Variants in TFEC observed in about 807,000 individuals in gnomAD.
The protein encoded by TFEC is class E basic helix-loop-helix protein 34.
A neutral mutation model predicts 41.6 loss-of-function variants in TFEC; 31 were observed. That is an observed-to-expected ratio of 0.74 (90% CI 0.56 to 1.01). The LOEUF (loss-of-function observed/expected upper bound fraction) is 1.01. Ranked by LOEUF, TFEC falls within the 50% of genes least tolerant of loss-of-function variation. The pLI, the probability that TFEC is intolerant of heterozygous loss-of-function variation, is 0.00. For synonymous variants in TFEC, 143 were observed against 140.6 expected (o/e 1.02, Z -0.12); for missense variants, 402 against 404.1 (o/e 0.99, Z 0.04).
At chr7:116,154,284 C>CT (rs1798823898) in intron 1 of TFEC, among the ~76,000 whole-genome samples, 1 of 152,120 alleles carries the variant, frequency 6.6e-6, no homozygotes, top group African/African-American at 2.4e-5. Flanking sequence ...CTCTGAAACT[C>CT]TGTCGATTTC....
chr7:115,976,526 A>G (rs1793387258), intron 2 of TFEC, among the ~76,000 whole-genome samples: 1 of 152,190 alleles, frequency 6.6e-6, no homozygotes, highest in Non-Finnish European at 1.5e-5. Flanking sequence ...AGCTCTAGCC[A>G]TGGTCAGATG....
Position 115,937,733 on chromosome 7 carries a change from C to T in TFEC, c.*2818G>A, listed in dbSNP as rs1432065488. 6.6e-6 allele frequency: 1 copy of T among 151,536 alleles called. No homozygotes were observed. Among genetic ancestry groups the T allele is most frequent in the East Asian group, 1.9e-4 (1 of 5,172 alleles). 9.4% of individuals were successfully genotyped at this position (151,536 alleles called of 1,614,324 possible). On this transcript the variant is annotated 3_prime_UTR_variant, in exon 8 of 8. Transcript: ENST00000265440. ...TAATTATATTTAGATAAGTAAGGGT[C>T]CCCCCATTGTTATACATGACATTAA...
chr7:115,993,369 G>A (rs1023428063), intron 1 of TFEC, among the ~76,000 whole-genome samples: 3 of 152,076 alleles, frequency 2.0e-5, no homozygotes, highest in African/African-American at 7.2e-5. Flanking sequence ...CAAACAGGCA[G>A]GAGAAAGAAA....
At chr7:116,123,260 G>A (rs182532275) in intron 1 of TFEC, among the ~76,000 whole-genome samples, 4 of 152,200 alleles carry the variant, frequency 2.6e-5, no homozygotes, top group African/African-American at 4.8e-5. Context: ...TTGCAAGAAC[G>A]TAAGGTAACA....
intron 7 of TFEC, chr7:115,941,438 GA>G (rs1211472412): frequency 6.0e-6 from 1 of 166,588 alleles, no homozygotes; most frequent in East Asian, 1.7e-4. Context: ...TTGAGGCAAT[GA>G]AATCCATAGC....
chr7:115,960,123 A>G (rs1792459608), intron 3 of TFEC, among the ~76,000 whole-genome samples: 1 of 151,554 alleles, frequency 6.6e-6, no homozygotes, highest in Non-Finnish European at 1.5e-5. Flanking sequence ...AATATACAAT[A>G]ATAAAGAGAA....
At chr7:116,056,602 T>C (rs893951547) in intron 3 of TFEC, among the ~76,000 whole-genome samples, 4 of 152,062 alleles carry the variant, frequency 2.6e-5, no homozygotes, top group Non-Finnish European at 4.4e-5. Context: ...AGATCTCGCC[T>C]CAATCATGAG....
Position 116,115,308 on chromosome 7 carries a change from T to C in TFEC, c.-68-3270A>G, listed in dbSNP as rs571784765. On this transcript the variant is annotated intron_variant, in intron 1 of 8. Transcript: ENST00000484212. ...AAAAACTTCGTGGCTTCAAACAACA[T>C]ACATTTTTTGCTCTTATACTTCTGT... is the stretch of plus-strand genomic sequence containing the variant. Among the ~76,000 whole-genome samples, 80 of 152,132 alleles carry C rather than the reference T, an allele frequency of 5.3e-4. 1 individual carries two copies. The highest frequency in any genetic ancestry group is 1.9e-3 in the African/African-American group (77 of 41,536).
rs1382551384 is a variant in TFEC, at chr7:115,949,834, A to G, written c.515+1040T>C. On this transcript the variant is annotated intron_variant, in intron 6 of 7. Transcript: ENST00000265440. ...AACACCAAAAGCAATGGCAACCAAAACCAAAATTGACAAATGGGATCTAAT... is the reference window on the plus strand; with the variant it reads ...AACACCAAAAGCAATGGCAACCAAAGCCAAAATTGACAAATGGGATCTAAT... 9.9e-5 allele frequency among the ~76,000 whole-genome samples: 15 copies of G among 152,058 alleles called. 1 individual carries two copies.
upstream of TFEC, among the ~76,000 whole-genome samples, chr7:116,033,133 C>CA (rs58740686): frequency 9.4e-4 from 139 of 147,846 alleles, no homozygotes; most frequent in African/African-American, 1.7e-3. Context: ...CATGATTCAT[C>CA]AAAAAAAAAA....
chr7:116,081,460 A>G (rs1194687413), intron 3 of TFEC, among the ~76,000 whole-genome samples: 1 of 151,986 alleles, frequency 6.6e-6, no homozygotes, highest in Admixed American at 6.6e-5. Context: ...TATCTCAGCA[A>G]TCTCCTTTAA....
At chr7:116,127,165 G>A (rs1050640016) in intron 1 of TFEC, among the ~76,000 whole-genome samples, 6 of 151,452 alleles carry the variant, frequency 4.0e-5, no homozygotes, top group Admixed American at 6.6e-5. Flanking sequence ...GCGCGATCTC[G>A]GTTCACTGCA....
chr7:116,090,965 G>A (rs1375976797), intron 3 of TFEC, among the ~76,000 whole-genome samples: 2 of 151,998 alleles, frequency 1.3e-5, no homozygotes, highest in East Asian at 1.9e-4. Flanking sequence ...AGGGCCTGTC[G>A]GGGGTGGGGG....
chr7:115,997,472 C>A (rs1250089830), intron 1 of TFEC, among the ~76,000 whole-genome samples: 1 of 152,130 alleles, frequency 6.6e-6, no homozygotes, highest in Admixed American at 6.5e-5. Flanking sequence ...AATGCCTTCC[C>A]AAGACGGATG....
At chr7:115,978,842 G>A (rs1357280443) in intron 2 of TFEC, among the ~76,000 whole-genome samples, 1 of 151,978 alleles carries the variant, frequency 6.6e-6, no homozygotes, top group Non-Finnish European at 1.5e-5. Flanking sequence ...TACTTTTATG[G>A]GCTTTCTCTT....
At position 116,030,713 on chromosome 7, in the gene TFEC, C is replaced by T; in HGVS notation, c.-153G>A. The T allele has an allele frequency of 4.1e-6, 4 of 985,324 alleles. No homozygotes were observed. Among genetic ancestry groups the T allele is most frequent in the Non-Finnish European group, 4.8e-6 (4 of 829,916 alleles). The allele number at this position is 985,324 out of a possible 1,614,324, so 61.0% of individuals were successfully genotyped here. ...AATCCCTCTTCCCATAACATATGCA[C>T]CATGCCAGAAGGGACAACCAAAGTA... On this transcript the variant is annotated 5_prime_UTR_variant, in exon 1 of 8. It adds an upstream start codon to the 5' untranslated region. Transcript: ENST00000265440.
intron 3 of TFEC, 91 bp downstream of exon 3, chr7:115,974,079 G>T: frequency 9.4e-7 from 1 of 1,062,978 alleles, no homozygotes; most frequent in Non-Finnish European, 1.3e-6. Context: ...AAAAAGTGCA[G>T]AAAAAAGCAC....
Position 115,984,523 on chromosome 7 carries a change from C to G in TFEC, c.-72-10G>C, listed in dbSNP as rs772013487. Reference sequence around the variant, plus strand: ...CCAGGTGTGCTGGGACCTACAAGATCAAAATTAAACAAATACAATGTGCAG... The same window carrying G: ...CCAGGTGTGCTGGGACCTACAAGATGAAAATTAAACAAATACAATGTGCAG... On this transcript the variant is annotated splice_polypyrimidine_tract_variant and intron_variant, in intron 1 of 7. Transcript: ENST00000265440. 1 of 1,612,084 alleles carries G rather than the reference C, an allele frequency of 6.2e-7. No homozygotes were observed. Among genetic ancestry groups the G allele is most frequent in the African/African-American group, 1.3e-5 (1 of 74,850 alleles).
chr7:116,091,724 C>T (rs1797332608), intron 3 of TFEC, among the ~76,000 whole-genome samples: 1 of 152,134 alleles, frequency 6.6e-6, no homozygotes, highest in South Asian at 2.1e-4. Flanking sequence ...AATTTCTTAA[C>T]CCAATTTACA....
Sources: gnomAD v4.1 joint callset for allele counts (sites outside exome capture counted in the v4.1 genomes callset) on GRCh38, gnomAD v4.1.1 for gene constraint, MANE v1.5 for transcripts, NCBI Gene and HGNC (gene_info 2026-07-23, HGNC 2026-07-21) for gene names.